The following GALNT11 variants were observed in gnomAD, a reference collection of about 807,000 sequenced individuals.
GALNT11 encodes UDP-GalNAc:polypeptide N-acetylgalactosaminyltransferase 11.
Under a neutral mutation model 72.7 loss-of-function variants are expected in GALNT11, and 47 were observed. The observed-to-expected ratio is 0.65, with a 90% CI of 0.51 to 0.82. The LOEUF (loss-of-function observed/expected upper bound fraction) is 0.82. GALNT11 is among the 40% of genes least tolerant of loss of function. The pLI is 0.00. For missense variants in GALNT11, 677 were observed against 778.4 expected (o/e 0.87, Z 1.55); for synonymous variants, 270 against 286.6 (o/e 0.94, Z 0.58).
At chr7:152,041,699 T>C (rs1178202678) in intron 1 of GALNT11, among the ~76,000 whole-genome samples, 1 of 152,238 alleles carries the variant, frequency 6.6e-6, no homozygotes, top group East Asian at 1.9e-4. Context: ...CAAGGGCTAG[T>C]GAGACTAGGA....
chr7:152,081,643 C>A (rs1158376603), intron 1 of GALNT11, among the ~76,000 whole-genome samples: 1 of 152,208 alleles, frequency 6.6e-6, no homozygotes, highest in African/African-American at 2.4e-5. Flanking sequence ...TAAGGCTACT[C>A]TTCACCTGCA....
chr7:152,110,662 A>T lies in GALNT11; in HGVS notation c.1080+17A>T, dbSNP rs1487707287. Reference sequence around the variant, plus strand: ...TCATTTCGGGTAATTTAATTTTTGCATGCTCAATTAATAACTGTGTAGTGG... The same window carrying T: ...TCATTTCGGGTAATTTAATTTTTGCTTGCTCAATTAATAACTGTGTAGTGG... On this transcript the variant is annotated intron_variant, in intron 7 of 11. Transcript: ENST00000430044. 2.1e-6 allele frequency: 3 copies of T among 1,460,482 alleles called. No homozygotes were observed. The highest frequency in any genetic ancestry group is 9.6e-7 in the Non-Finnish European group (1 of 1,043,930). The allele number at this position is 1,460,482 out of a possible 1,614,324, so 90.5% of individuals were successfully genotyped here. A position where few individuals can be genotyped will look rare whatever the true frequency, so the allele number is the denominator to read the frequency against.
intron 1 of GALNT11, chr7:152,074,175 T>C (rs2129013180): frequency 6.6e-6 from 1 of 152,364 alleles, no homozygotes. Context: ...TTTTTGCTTT[T>C]GTTGCCTGGG....
At chr7:152,043,049 G>A (rs2082941964) in intron 1 of GALNT11, among the ~76,000 whole-genome samples, 1 of 152,096 alleles carries the variant, frequency 6.6e-6, no homozygotes, top group South Asian at 2.1e-4. Flanking sequence ...GCTTTGCCTT[G>A]TTTATTTGTG....
intron 10 of GALNT11, 110 bp downstream of exon 10, chr7:152,118,892 C>T (rs2089152633): frequency 5.1e-6 from 4 of 784,614 alleles, no homozygotes; most frequent in Non-Finnish European, 5.9e-6. Flanking sequence ...TCTGGCTTTT[C>T]TTAACCCATT....
At chr7:152,042,861 CT>C (rs796174752) in intron 1 of GALNT11, among the ~76,000 whole-genome samples, 13 of 152,308 alleles carry the variant, frequency 8.5e-5, no homozygotes, top group African/African-American at 3.1e-4. Context: ...ACTTTAGGGG[CT>C]TTACCACTCC....
chr7:152,030,197 TC>T (rs1280761751), intron 1 of GALNT11, among the ~76,000 whole-genome samples: 1 of 152,098 alleles, frequency 6.6e-6, no homozygotes, highest in Non-Finnish European at 1.5e-5. Context: ...AAAGGGAGAC[TC>T]CCTTTCCTGG....
chr7:152,105,185 T>A, intron 4 of GALNT11, 60 bp from the exon 5 acceptor site: 1 of 1,544,640 alleles, frequency 6.5e-7, no homozygotes, highest in Non-Finnish European at 8.7e-7. Flanking sequence ...TTAGAATAGC[T>A]GTAAAGTGTC....
At chr7:152,054,774 C>T (rs139817091) in intron 1 of GALNT11, among the ~76,000 whole-genome samples, 1,562 of 152,144 alleles carry the variant, frequency 0.01, 26 homozygotes, top group African/African-American at 0.036. Context: ...CCACCTCAGC[C>T]TCCCAAAGTG....
intron 1 of GALNT11, among the ~76,000 whole-genome samples, chr7:152,064,223 C>T (rs963751438): frequency 6.6e-6 from 1 of 151,712 alleles, no homozygotes; most frequent in African/African-American, 2.4e-5. Flanking sequence ...ATGGCCTTGT[C>T]TCTTTTGATC....
At chr7:152,117,476 G>A (rs1272976809) in intron 9 of GALNT11, 101 bp downstream of exon 9, 1 of 1,124,208 alleles carries the variant, frequency 8.9e-7, no homozygotes, top group Non-Finnish European at 1.3e-6. Context: ...GGACTTAACA[G>A]AGTGTAATGA....
intron 1 of GALNT11, among the ~76,000 whole-genome samples, chr7:152,069,600 A>G (rs190579393): frequency 9.4e-4 from 143 of 152,326 alleles, no homozygotes; most frequent in African/African-American, 3.2e-3. Flanking sequence ...TCTTATTTGA[A>G]GCATACACAT....
chr7:152,114,432 G>A (rs946570965), intron 8 of GALNT11, among the ~76,000 whole-genome samples: 11 of 152,194 alleles, frequency 7.2e-5, no homozygotes, highest in African/African-American at 1.7e-4. Flanking sequence ...TGAGCATGGC[G>A]TTTTCAGGTT....
intron 2 of GALNT11, among the ~76,000 whole-genome samples, chr7:152,095,411 TGA>T (rs1189290827): frequency 6.6e-5 from 10 of 152,250 alleles, no homozygotes; most frequent in Non-Finnish European, 1.5e-5. Flanking sequence ...TTTGAGAGAT[TGA>T]GAGAGCCTTA....
intron 1 of GALNT11, among the ~76,000 whole-genome samples, chr7:152,060,486 A>G (rs1333348604): frequency 1.3e-5 from 2 of 150,630 alleles, no homozygotes; most frequent in African/African-American, 4.9e-5. Context: ...TTTTTTTTAT[A>G]TATATATACT....
intron 1 of GALNT11, among the ~76,000 whole-genome samples, chr7:152,091,564 G>A (rs1043145786): frequency 1.3e-5 from 2 of 151,980 alleles, no homozygotes; most frequent in Non-Finnish European, 2.9e-5. Flanking sequence ...TTTTAGTAGA[G>A]ACGGGGTTTC....
intron 1 of GALNT11, among the ~76,000 whole-genome samples, chr7:152,036,627 G>A (rs1019094965): frequency 2.6e-5 from 4 of 152,152 alleles, no homozygotes; most frequent in Non-Finnish European, 4.4e-5. Flanking sequence ...GCTGAGTCAC[G>A]TGGTAGCTCT....
At chr7:152,071,408 T>A (rs912298936) in intron 1 of GALNT11, among the ~76,000 whole-genome samples, 4 of 152,208 alleles carry the variant, frequency 2.6e-5, no homozygotes, top group Admixed American at 1.3e-4. Context: ...AGAAATATGG[T>A]TCTGTTCCAC....
rs771618253 is a variant in GALNT11, at chr7:152,121,619, C to G, written c.1769C>G (p.Ser590Cys). The G allele has an allele frequency of 2.5e-6, 4 of 1,614,230 alleles. No individual in the cohort carries two copies. The highest frequency in any genetic ancestry group is 3.4e-6 in the Non-Finnish European group (4 of 1,180,038). The change falls in exon 12 of 12, where the codon TCT (serine) becomes TGT (cysteine). Residue 590 changes from serine (S) to cysteine (C), a missense_variant. Coordinates refer to ENST00000430044, the MANE Select transcript of GALNT11 (RefSeq NM_022087.4). Reference sequence around the variant, plus strand: ...GTGGATCCCCTGGGTCAGAAGGGCTCTGTCGCCATGGCGATCTGCGATGGC... The same window carrying G: ...GTGGATCCCCTGGGTCAGAAGGGCTGTGTCGCCATGGCGATCTGCGATGGC... ...RAVDPLGQKGSVAMAICDGSS... is the reference protein window; with the variant it reads ...RAVDPLGQKGCVAMAICDGSS...
Sources: allele counts gnomAD v4.1 joint callset (sites outside exome capture counted in the v4.1 genomes callset), GRCh38; gene constraint gnomAD v4.1.1; transcripts MANE v1.5; gene names NCBI Gene and HGNC (gene_info 2026-07-23, HGNC 2026-07-21).